Variants in TAF3 observed in about 807,000 individuals in gnomAD.
The protein encoded by TAF3 is TATA-box binding protein associated factor 3.
Under a neutral mutation model 80.6 loss-of-function variants are expected in TAF3, and 7 were observed. That is an observed-to-expected ratio of 0.09 (90% confidence interval 0.05 to 0.16). TAF3 has a LOEUF of 0.16. Ranked by LOEUF, TAF3 falls within the 10% of genes least tolerant of loss-of-function variation. TAF3 has a pLI of 1.00. For missense variants in TAF3, 921 were observed against 1,140.2 expected, an observed-to-expected ratio of 0.81 and a Z score of 2.77; for synonymous variants, 444 against 446.1, an observed-to-expected ratio of 1.00 and a Z score of 0.06.
At chr10:7,860,942 G>A (rs534278379) in intron 2 of TAF3, among the ~76,000 whole-genome samples, 7 of 151,692 alleles carry the variant, frequency 4.6e-5, no homozygotes, top group African/African-American at 1.7e-4. Context: ...GGGATTACAG[G>A]CACCCACCAC....
intron 2 of TAF3, among the ~76,000 whole-genome samples, chr10:7,929,799 G>A (rs559549209): frequency 6.6e-6 from 1 of 152,202 alleles, no homozygotes; most frequent in South Asian, 2.1e-4. Context: ...TAATTTTACA[G>A]TGGTTCTAAA....
At chr10:7,963,330 G>T (rs1005606650) in intron 2 of TAF3, among the ~76,000 whole-genome samples, 1 of 152,148 alleles carries the variant, frequency 6.6e-6, no homozygotes, top group Non-Finnish European at 1.5e-5. Context: ...GCATTTACTG[G>T]TTAGGAAAAT....
At chr10:7,903,459 A>T (rs1170247452) in intron 2 of TAF3, among the ~76,000 whole-genome samples, 1 of 152,214 alleles carries the variant, frequency 6.6e-6, no homozygotes, top group East Asian at 1.9e-4. Flanking sequence ...CCTTTTAGTG[A>T]GGAAATGGTA....
chr10:8,013,380 C>A (rs915620333), intron 5 of TAF3, among the ~76,000 whole-genome samples: 2 of 151,904 alleles, frequency 1.3e-5, no homozygotes, highest in Non-Finnish European at 2.9e-5. Flanking sequence ...CTTATAAAGA[C>A]CCAAATCATT....
chr10:7,863,509 C>G (rs961849495), intron 2 of TAF3, among the ~76,000 whole-genome samples: 1 of 147,932 alleles, frequency 6.8e-6, no homozygotes, highest in Non-Finnish European at 1.5e-5. Flanking sequence ...ACTCAGGAGG[C>G]TAAGGAAGGA....
In TAF3 at chr10:7,986,097, T is replaced by C. The variant is rs116720620; in HGVS notation, c.2315+8774T>C. On this transcript the variant is annotated intron_variant, in intron 4 of 6. Coordinates refer to ENST00000344293, the MANE Select transcript of TAF3 (RefSeq NM_031923.4). ...CCATGCCCAGCCTTTCATTCTCTCT[T>C]ACCATGGATTCCTTTTGTTTTTCTT... 8.3e-3 allele frequency among the ~76,000 whole-genome samples: 1,268 copies of C among 152,288 alleles called. 22 individuals carry two copies. The highest frequency in any genetic ancestry group is 0.028 in the African/African-American group (1,164 of 41,570).
chr10:7,881,887 G>A (rs1837365776), intron 2 of TAF3, among the ~76,000 whole-genome samples: 1 of 152,186 alleles, frequency 6.6e-6, no homozygotes, highest in Non-Finnish European at 1.5e-5. Context: ...TGTGATTCTT[G>A]AGCAGAGATA....
intron 2 of TAF3, among the ~76,000 whole-genome samples, chr10:7,831,302 A>G (rs1428751252): frequency 1.3e-5 from 2 of 151,900 alleles, no homozygotes; most frequent in East Asian, 1.9e-4. Flanking sequence ...TTAATACTCT[A>G]TCATTGTGAA....
chr10:7,949,408 T>A (rs182355650), intron 2 of TAF3, among the ~76,000 whole-genome samples: 116 of 152,296 alleles, frequency 7.6e-4, no homozygotes, highest in African/African-American at 2.7e-3. Context: ...TATATATAAG[T>A]GGACACAAGA....
chr10:7,849,080 G>A (rs973962618), intron 2 of TAF3, among the ~76,000 whole-genome samples: 10 of 152,112 alleles, frequency 6.6e-5, no homozygotes, highest in East Asian at 3.8e-4. Flanking sequence ...CTTATGAACC[G>A]CAACAACACT....
intron 4 of TAF3, among the ~76,000 whole-genome samples, chr10:7,983,052 G>A (rs923603510): frequency 5.3e-5 from 8 of 151,640 alleles, no homozygotes; most frequent in African/African-American, 1.7e-4. Context: ...ATGTGACTTC[G>A]GCGGGGCCAC....
intron 4 of TAF3, among the ~76,000 whole-genome samples, chr10:7,998,463 A>G (rs1022928815): frequency 1.3e-5 from 2 of 152,076 alleles, no homozygotes. Flanking sequence ...TTGGTCAACA[A>G]TCTGTTTCTA....
intron 2 of TAF3, among the ~76,000 whole-genome samples, chr10:7,855,112 G>A (rs1251444697): frequency 6.6e-6 from 1 of 152,142 alleles, no homozygotes; most frequent in African/African-American, 2.4e-5. Context: ...AGGGTCAAAT[G>A]GTAAAGAACT....
At position 7,964,852 on chromosome 10, in the gene TAF3, T is replaced by C; in HGVS notation, c.1342T>C (p.Ser448Pro). 1 of 1,614,188 alleles carries C rather than the reference T, an allele frequency of 6.2e-7. No individual in the cohort carries two copies. ...CGCGAACAATTTCACAAAGTCAGGA[T>C]CCACTCCTCTGCCTCTTTCCGGTGG... ...TSANNFTKSG[S>P]TPLPLSGGTS... The change falls in exon 3 of 7, where the codon TCC becomes CCC. Residue 448 changes from serine (S) to proline (P), a missense_variant. Physicochemically the swap from Ser to Pro is moderately conservative, Grantham distance 74. This residue lies in a region of TAF3 where 743 missense variants were observed against 821.0 expected (regional missense o/e 0.90). Coordinates refer to ENST00000344293, the MANE Select transcript of TAF3 (RefSeq NM_031923.4). The surrounding 1 kb of genome is among the most constrained non-coding windows in gnomAD (Gnocchi z 4.1).
intron 2 of TAF3, among the ~76,000 whole-genome samples, chr10:7,947,631 C>T (rs1018080838): frequency 6.6e-6 from 1 of 152,072 alleles, no homozygotes; most frequent in African/African-American, 2.4e-5. Context: ...GGGGCTGCTG[C>T]GAGAGCGTTG....
intron 2 of TAF3, among the ~76,000 whole-genome samples, chr10:7,848,319 A>T (rs888771455): frequency 2.0e-5 from 3 of 152,226 alleles, no homozygotes; most frequent in African/African-American, 7.2e-5. Flanking sequence ...GTTAGAAGGA[A>T]ATCATTCTGG....
intron 2 of TAF3, among the ~76,000 whole-genome samples, chr10:7,944,113 G>T (rs1054979983): frequency 1.6e-4 from 25 of 151,524 alleles, no homozygotes; most frequent in African/African-American, 6.1e-4. Flanking sequence ...GTGTGTGTGT[G>T]TGTGTGTGTG....
chr10:7,912,331 C>T (rs551700619), intron 2 of TAF3, among the ~76,000 whole-genome samples: 29 of 152,218 alleles, frequency 1.9e-4, no homozygotes, highest in African/African-American at 6.5e-4. Flanking sequence ...AAATCCTGGG[C>T]TCAAGCGATC....
intron 2 of TAF3, among the ~76,000 whole-genome samples, chr10:7,946,834 A>T (rs529396441): frequency 6.6e-6 from 1 of 152,358 alleles, no homozygotes; most frequent in South Asian, 2.1e-4. Flanking sequence ...CAATGATTAT[A>T]ACAACTTTTT....
Sources: allele counts gnomAD v4.1 joint callset (sites outside exome capture counted in the v4.1 genomes callset), GRCh38; gene constraint gnomAD v4.1.1; regional missense constraint gnomAD v4.1.1; non-coding constraint Gnocchi (gnomAD v3.1); transcripts MANE v1.5; gene names NCBI Gene and HGNC (gene_info 2026-07-23, HGNC 2026-07-21).